The following KIFC3 variants were observed in gnomAD, a reference collection of about 807,000 sequenced individuals.
The protein encoded by KIFC3 is kinesin-like protein KIFC3.
A neutral mutation model predicts 101.8 loss-of-function variants in KIFC3; 60 were observed. That is an observed-to-expected ratio of 0.59 (90% CI 0.48 to 0.73). The LOEUF is 0.73. KIFC3 is among the 30% of genes least tolerant of loss of function. The pLI is 0.00. For synonymous variants in KIFC3, 476 were observed against 482.7 expected (o/e 0.99, Z 0.18); for missense variants, 966 against 1,137.1 (o/e 0.85, Z 2.16).
Position 57,760,968 on chromosome 16 carries a change from C to T in KIFC3, c.2003-13G>A, listed in dbSNP as rs1555596347. On this transcript the variant is annotated splice_polypyrimidine_tract_variant and intron_variant, in intron 15 of 19. Coordinates refer to ENST00000445690, the MANE Select transcript of KIFC3 (RefSeq NM_001130100.2). ...AGGTTCAGCTTCCCTGCAGGGAAGG[C>T]ACCCACCAGATCAGGCCTGCCCTGC... 1.2e-6 allele frequency: 2 copies of T among 1,605,988 alleles called. No homozygotes were observed. Among genetic ancestry groups the T allele is most frequent in the Non-Finnish European group, 1.7e-6 (2 of 1,178,176 alleles).
intron 2 of KIFC3, among the ~76,000 whole-genome samples, chr16:57,795,837 A>G (rs554999908): frequency 3.3e-5 from 5 of 151,038 alleles, no homozygotes; most frequent in South Asian, 2.1e-4. Context: ...CCACTGGGCC[A>G]AGTGCTTTTC....
At chr16:57,825,004 T>A (rs1451075456) in intron 1 of KIFC3, among the ~76,000 whole-genome samples, 2 of 152,144 alleles carry the variant, frequency 1.3e-5, no homozygotes, top group African/African-American at 4.8e-5. Flanking sequence ...TACTCAGATA[T>A]CACTGCGGCC....
intron 1 of KIFC3, chr16:57,798,486 G>C (rs1344334718): frequency 1.7e-6 from 1 of 597,072 alleles, no homozygotes; most frequent in African/African-American, 1.9e-5. Flanking sequence ...ATTTGTTTCC[G>C]AATACGGAGG....
intron 3 of KIFC3, chr16:57,775,673 AC>A: frequency 1.0e-6 from 1 of 985,568 alleles, no homozygotes; most frequent in Non-Finnish European, 1.2e-6. Flanking sequence ...TCTAAGCCCA[AC>A]AGGGGAGGGT....
At chr16:57,830,293 A>C (rs1321048651) in intron 1 of KIFC3, among the ~76,000 whole-genome samples, 3 of 140,894 alleles carry the variant, frequency 2.1e-5, no homozygotes, top group Non-Finnish European at 4.5e-5. Flanking sequence ...GCTGGAGTGC[A>C]ATGGTGTAAT....
intron 1 of KIFC3, among the ~76,000 whole-genome samples, chr16:57,851,757 G>A (rs1194206597): frequency 1.3e-5 from 2 of 149,482 alleles, no homozygotes; most frequent in South Asian, 4.3e-4. Flanking sequence ...TGTTGTTTTC[G>A]AGATGGTAGT....
Position 57,765,488 on chromosome 16 carries a change from C to T in KIFC3, c.1483G>A (p.Val495Ile). The change falls in exon 11 of 20, where the codon GTC (valine) becomes ATC (isoleucine). Residue 495 changes from valine to isoleucine, a missense_variant. By Grantham distance (29) the Val-to-Ile change is conservative. Transcript: ENST00000445690. ...GKPVSFELDK[V>I]FSPQASQQDV... ...TGCTGCGAGGCCTGTGGGGAGAAGA[C>T]CTTGTCCAGCTCGAAGGACACAGGC... The T allele has an allele frequency of 1.9e-6, 3 of 1,587,924 alleles. No homozygotes were observed. Among genetic ancestry groups the T allele is most frequent in the Non-Finnish European group, 2.6e-6 (3 of 1,166,068 alleles).
chr16:57,858,919 C>T (rs2056236367), intron 1 of KIFC3, among the ~76,000 whole-genome samples: 1 of 152,058 alleles, frequency 6.6e-6, no homozygotes, highest in Admixed American at 6.6e-5. Context: ...CACTGCTTTC[C>T]AACCTGGGCA....
At chr16:57,805,733 T>C (rs1200411898), upstream of KIFC3, among the ~76,000 whole-genome samples, 1 of 146,932 alleles carries the variant, frequency 6.8e-6, no homozygotes, top group Non-Finnish European at 1.5e-5. Flanking sequence ...TGGAGTGCAG[T>C]GGCGCAATCT....
In KIFC3 at chr16:57,798,223, C is replaced by T. The variant is rs1466270135; in HGVS notation, c.21G>A (p.Thr7=). 1.3e-6 allele frequency: 2 copies of T among 1,549,968 alleles called. No individual in the cohort carries two copies. Among genetic ancestry groups the T allele is most frequent in the Non-Finnish European group, 1.7e-6 (2 of 1,147,630 alleles). The change falls in exon 2 of 20, where the codon ACG becomes ACA. Residue 7 remains threonine, a synonymous_variant. Coordinates refer to ENST00000445690, the MANE Select transcript of KIFC3 (RefSeq NM_001130100.2). The stretch of plus-strand genomic sequence containing the variant: ...GCGAGGGCGTGGCTCCCAGGTTCCA[C>T]GTCCTGCGAGAGGGGACCATGGCCT... MVPSRR[T]WNLGATPSLR... is the part of the protein sequence containing the mutation.
intron 3 of KIFC3, among the ~76,000 whole-genome samples, chr16:57,786,981 TG>T (rs1301366039): frequency 2.4e-4 from 36 of 152,300 alleles, no homozygotes; most frequent in Middle Eastern, 3.4e-3. Context: ...TCCAGAGAGC[TG>T]GAGCTGGGCA....
chr16:57,769,941 C>G lies in KIFC3; in HGVS notation c.954G>C (p.Glu318Asp). The part of the protein sequence containing the change: ...ARLRAQIAMY[E>D]SELERAHGQM... ...GCCCATGGGCCCGCTCCAGCTCTGA[C>G]TCGTACATGGCAATCTGGCCAGACC... Residue 318 changes from glutamate to aspartate, a missense_variant, in exon 8 of 20, where the codon GAG becomes GAC. Around this residue, in one of 2 missense-constraint regions of KIFC3, gnomAD observed 689 missense variants for 884.6 expected, o/e 0.78. Transcript: ENST00000445690. This position sits in a 1 kb window ranked among gnomAD's most constrained non-coding sequence, Gnocchi z 4.3. The G allele has an allele frequency of 6.2e-7, 1 of 1,612,832 alleles. No homozygotes were observed. Among genetic ancestry groups the G allele is most frequent in the East Asian group, 2.2e-5 (1 of 44,880 alleles).
intron 2 of KIFC3, 113 bp from the exon 3 acceptor site, chr16:57,795,254 G>C: frequency 7.7e-7 from 1 of 1,305,352 alleles, no homozygotes; most frequent in Non-Finnish European, 1.0e-6. Flanking sequence ...ATCCCTGGCT[G>C]GTCCAGATGT....
At chr16:57,844,302 C>A (rs1027309144) in intron 1 of KIFC3, among the ~76,000 whole-genome samples, 1 of 150,992 alleles carries the variant, frequency 6.6e-6, no homozygotes, top group East Asian at 2.0e-4. Context: ...TGGTGGCAGG[C>A]GCCTGTAATC....
intron 1 of KIFC3, among the ~76,000 whole-genome samples, chr16:57,850,534 G>A (rs1013464729): frequency 8.2e-6 from 1 of 121,786 alleles, no homozygotes; most frequent in Non-Finnish European, 1.6e-5. Context: ...GGAATGAAGT[G>A]GCCCTATCTC....
intron 3 of KIFC3, among the ~76,000 whole-genome samples, chr16:57,786,687 C>G (rs1470388088): frequency 6.6e-6 from 1 of 152,124 alleles, no homozygotes; most frequent in Admixed American, 6.5e-5. Context: ...CACATTAGTC[C>G]CCAGGAAACC....
At chr16:57,766,826 G>T (rs782721446) in intron 10 of KIFC3, 48 bp downstream of exon 10, 3 of 1,378,342 alleles carry the variant, frequency 2.2e-6, no homozygotes, top group Non-Finnish European at 3.1e-6. Context: ...GCCAAGCCAG[G>T]TCGAGGACCC....
At chr16:57,797,923 C>T in intron 2 of KIFC3, 149 bp downstream of exon 2, 1 of 1,509,216 alleles carries the variant, frequency 6.6e-7, no homozygotes, top group Admixed American at 2.2e-5. Flanking sequence ...GCTCCGGCTC[C>T]ACGCCCGCCT....
intron 1 of KIFC3, among the ~76,000 whole-genome samples, chr16:57,844,324 G>A (rs939203629): frequency 1.1e-4 from 17 of 151,818 alleles, no homozygotes; most frequent in African/African-American, 4.1e-4. Flanking sequence ...CAGCTACTCG[G>A]GAGGGTGAGG....
Sources: gnomAD v4.1 joint callset for allele counts (sites outside exome capture counted in the v4.1 genomes callset) on GRCh38, gnomAD v4.1.1 for gene constraint, gnomAD v4.1.1 regional missense constraint, Gnocchi (gnomAD v3.1) non-coding constraint, MANE v1.5 for transcripts, NCBI Gene and HGNC (gene_info 2026-07-23, HGNC 2026-07-21) for gene names.